EIF2AK4: variants seen among roughly 807,000 people sequenced by gnomAD.
The protein encoded by EIF2AK4 is eIF-2-alpha kinase GCN2.
In EIF2AK4, 139 loss-of-function variants were observed where a neutral mutation model predicts 211.1. The ratio of observed to expected loss-of-function variants is 0.66; its 90% CI spans 0.57 to 0.76. The LOEUF is 0.76. Among genes scored for constraint, EIF2AK4 ranks in the 30% least tolerant of loss-of-function variants. The pLI is 0.00. For synonymous variants in EIF2AK4, 710 were observed against 751.3 expected (o/e 0.94, Z 0.90); for missense variants, 1,664 against 2,043.8 (o/e 0.81, Z 3.58).
rs2291627 is a variant in EIF2AK4, at chr15:39,967,647, A to C, written c.1321A>C (p.Ile441Leu). Residue 441 changes from isoleucine to leucine, a missense_variant, in exon 9 of 39, where the codon ATT becomes CTT. Transcript: ENST00000263791. ...VLVDAEGTVK[I>L]TDYSISKRLA... ...GGTGGATGCAGAAGGCACCGTCAAG[A>C]TTACGGACTATAGCATTTCTAAGCG... 187,775 of 1,614,002 alleles carry C rather than the reference A, an allele frequency of 0.12. 16,203 individuals are homozygous for C. Among genetic ancestry groups the C allele is most frequent in the East Asian group, 0.51 (22,838 of 44,856 alleles).
At chr15:40,010,611 T>C (rs2035222191) in intron 26 of EIF2AK4, among the ~76,000 whole-genome samples, 1 of 80,854 alleles carries the variant, frequency 1.2e-5, no homozygotes, top group African/African-American at 4.8e-5. Flanking sequence ...CCAGGAGATG[T>C]AAGAACTAAC....
At chr15:40,017,523 A>G (rs915560715) in intron 29 of EIF2AK4, among the ~76,000 whole-genome samples, 15 of 26,666 alleles carry the variant, frequency 5.6e-4, no homozygotes, top group African/African-American at 1.4e-3. Context: ...ATATATATAT[A>G]TATATATATA....
chr15:39,952,962 C>T (rs781170221), intron 4 of EIF2AK4, among the ~76,000 whole-genome samples: 4 of 152,142 alleles, frequency 2.6e-5, no homozygotes, highest in Non-Finnish European at 4.4e-5. Flanking sequence ...ATTCTCCTGC[C>T]TCAGCCTCCC....
rs535199130 is a variant in EIF2AK4, at chr15:40,000,986, A to G, written c.2923-2A>G. The G allele has an allele frequency of 1.2e-6, 2 of 1,614,156 alleles. No homozygotes were observed. Among genetic ancestry groups the G allele is most frequent in the African/African-American group, 1.3e-5 (1 of 75,050 alleles). On this transcript the variant is annotated splice_acceptor_variant, in intron 20 of 38. Coordinates refer to ENST00000263791, the MANE Select transcript of EIF2AK4 (RefSeq NM_001013703.4). LOFTEE classifies it high-confidence loss of function. ...TAGCAGTGTGCCTGGGTTTTATTGTAGAAATCAGTCATCTCCTGGCTGTTG... is the reference window on the plus strand; with the variant it reads ...TAGCAGTGTGCCTGGGTTTTATTGTGGAAATCAGTCATCTCCTGGCTGTTG...
At chr15:39,975,446 G>A (rs912839824) in intron 11 of EIF2AK4, 3 of 152,202 alleles carry the variant, frequency 2.0e-5, no homozygotes, top group Non-Finnish European at 4.4e-5. Context: ...TCTGTTTTGT[G>A]TTTTGTAATC....
intron 31 of EIF2AK4, chr15:40,021,917 A>T (rs1422585716): frequency 6.6e-6 from 1 of 152,090 alleles, no homozygotes; most frequent in Non-Finnish European, 1.5e-5. Flanking sequence ...TGTTGTATCA[A>T]AATTCACATC....
At chr15:39,980,122 G>A (rs1467285004) in intron 13 of EIF2AK4, among the ~76,000 whole-genome samples, 2 of 152,220 alleles carry the variant, frequency 1.3e-5, no homozygotes, top group East Asian at 1.9e-4. Context: ...CCATCAAAAC[G>A]AAGTTATTTC....
intron 33 of EIF2AK4, 112 bp downstream of exon 33, chr15:40,026,201 TC>T: frequency 1.1e-6 from 1 of 949,786 alleles, no homozygotes; most frequent in Non-Finnish European, 1.6e-6. Context: ...ACACCTGTAA[TC>T]CCAGCACTTT....
At chr15:39,978,907 C>A (rs1313911192) in intron 13 of EIF2AK4, among the ~76,000 whole-genome samples, 2 of 152,148 alleles carry the variant, frequency 1.3e-5, no homozygotes, top group Admixed American at 1.3e-4. Flanking sequence ...AGTCTGATCT[C>A]CAGGTTGTGA....
intron 3 of EIF2AK4, among the ~76,000 whole-genome samples, chr15:39,944,723 G>A (rs1438992185): frequency 7.2e-5 from 11 of 151,964 alleles, no homozygotes; most frequent in Admixed American, 3.9e-4. Flanking sequence ...GTGAGCCACC[G>A]CACCCGGCCA....
At chr15:39,974,174 C>G (rs1194529655) in intron 11 of EIF2AK4, 1 of 153,092 alleles carries the variant, frequency 6.5e-6, no homozygotes, top group East Asian at 1.9e-4. Context: ...CAGCAGGTCT[C>G]GATGGCTTTT....
At chr15:39,977,052 G>A (rs932724543) in intron 12 of EIF2AK4, 1 of 500,710 alleles carries the variant, frequency 2.0e-6, no homozygotes, top group Non-Finnish European at 3.3e-6. Context: ...GCCAGCGAAT[G>A]CCCCCCAACA....
In EIF2AK4 at chr15:40,003,171, T is replaced by A. The variant is rs2035115459; in HGVS notation, c.3236-22T>A. On this transcript the variant is annotated intron_variant, in intron 22 of 38. Coordinates refer to ENST00000263791, the MANE Select transcript of EIF2AK4 (RefSeq NM_001013703.4). ...GGAGAATGTGAACCTGATGATGAGC[T>A]ATTTTTTCTCATTTGGTGTAGGAGC... The A allele has an allele frequency of 2.5e-6, 4 of 1,612,318 alleles. No individual in the cohort carries two copies. The South Asian group carries it at 4.4e-5, about 18-fold the overall frequency.
chr15:40,017,162 T>C lies in EIF2AK4; in HGVS notation c.3985T>C (p.Phe1329Leu). 1 of 1,614,100 alleles carries C rather than the reference T, an allele frequency of 6.2e-7. No homozygotes were observed. The highest frequency in any genetic ancestry group is 1.1e-5 in the South Asian group (1 of 91,074). ...YKVQQHNGIIFQFVAFIKRRQ... is the reference protein window; with the variant it reads ...YKVQQHNGIILQFVAFIKRRQ... ...GGTGCAGCAGCACAATGGAATCATC[T>C]TCCAGTTTGTGGCTTTCATCAAACG... Residue 1329 changes from phenylalanine (F) to leucine (L), a missense_variant, in exon 29 of 39, where the codon TTC (phenylalanine) becomes CTC (leucine). Around this residue, in one of 7 missense-constraint regions of EIF2AK4, gnomAD observed 622 missense variants for 796.8 expected, o/e 0.78. Transcript: ENST00000263791.
At chr15:39,935,488 C>A (rs990365391) in intron 1 of EIF2AK4, among the ~76,000 whole-genome samples, 1 of 152,078 alleles carries the variant, frequency 6.6e-6, no homozygotes, top group Non-Finnish European at 1.5e-5. Context: ...TGCCACTACA[C>A]CTGGTTAATT....
intron 13 of EIF2AK4, among the ~76,000 whole-genome samples, chr15:39,980,858 A>G (rs1382085583): frequency 6.6e-6 from 1 of 152,122 alleles, no homozygotes; most frequent in Non-Finnish European, 1.5e-5. Flanking sequence ...CTAGCCTGCA[A>G]TGACTTTATT....
chr15:39,983,583 C>G (rs965795363), intron 13 of EIF2AK4, among the ~76,000 whole-genome samples: 1 of 152,212 alleles, frequency 6.6e-6, no homozygotes, highest in Non-Finnish European at 1.5e-5. Flanking sequence ...GCTGGGATCA[C>G]AGGCATGCGC....
At chr15:39,981,238 C>T (rs947462323) in intron 13 of EIF2AK4, among the ~76,000 whole-genome samples, 7 of 151,908 alleles carry the variant, frequency 4.6e-5, no homozygotes, top group East Asian at 1.9e-4. Flanking sequence ...GGCATGGTGG[C>T]GGGCACCTGT....
At chr15:40,014,738 G>A (rs113461798) in intron 27 of EIF2AK4, among the ~76,000 whole-genome samples, 88 of 152,290 alleles carry the variant, frequency 5.8e-4, no homozygotes, top group African/African-American at 2.0e-3. Flanking sequence ...AATTTCTGCC[G>A]CTGGCTTGAA....
Sources: gnomAD v4.1 joint callset for allele counts (sites outside exome capture counted in the v4.1 genomes callset) on GRCh38, gnomAD v4.1.1 for gene constraint, gnomAD v4.1.1 regional missense constraint, MANE v1.5 for transcripts, NCBI Gene and HGNC (gene_info 2026-07-23, HGNC 2026-07-21) for gene names.